The following NRG2 variants were observed in gnomAD, a reference collection of about 807,000 sequenced individuals.
The protein encoded by NRG2 is pro-neuregulin-2, membrane-bound isoform.
In NRG2, 27 loss-of-function variants were observed where a neutral mutation model predicts 73.9. The observed-to-expected ratio is 0.37, with a 90% CI of 0.27 to 0.50. The LOEUF is 0.50. Ranked by LOEUF, NRG2 falls within the 20% of genes least tolerant of loss-of-function variation. NRG2 has a pLI of 0.96. For synonymous variants in NRG2, 532 were observed against 541.0 expected, an observed-to-expected ratio of 0.98 and a Z score of 0.23; for missense variants, 1,126 against 1,210.1, an observed-to-expected ratio of 0.93 and a Z score of 1.03.
intron 3 of NRG2, among the ~76,000 whole-genome samples, chr5:139,877,013 G>A (rs1763226514): frequency 6.6e-6 from 1 of 151,282 alleles, no homozygotes; most frequent in Admixed American, 6.6e-5. Flanking sequence ...TGGCCCAGAG[G>A]CCTCTCCAGG....
At chr5:139,873,793 C>T (rs1763006947) in intron 3 of NRG2, among the ~76,000 whole-genome samples, 1 of 152,240 alleles carries the variant, frequency 6.6e-6, no homozygotes, top group South Asian at 2.1e-4. Context: ...AGGGAGGATG[C>T]TGGGTTGGCC....
chr5:140,003,203 A>C lies in NRG2; in HGVS notation c.700+39167T>G, dbSNP rs190899802. Among the ~76,000 whole-genome samples, 364 of 152,358 alleles carry C rather than the reference A, an allele frequency of 2.4e-3. 1 individual carries two copies. Among genetic ancestry groups the C allele is most frequent in the African/African-American group, 8.0e-3 (332 of 41,578 alleles). ...ACTTCATCAGTGGGAGTCCTGACTA[A>C]AGAAATGCAAATAAAACAAGATGTA... is the stretch of plus-strand genomic sequence containing the variant. On this transcript the variant is annotated intron_variant, in intron 1 of 9. Coordinates refer to ENST00000361474, the MANE Select transcript of NRG2 (RefSeq NM_004883.3).
chr5:139,849,327 C>T (rs1452861203), intron 9 of NRG2, among the ~76,000 whole-genome samples: 1 of 152,198 alleles, frequency 6.6e-6, no homozygotes, highest in African/African-American at 2.4e-5. Context: ...GACCTGGCCT[C>T]ACTGCCCCAC....
intron 1 of NRG2, among the ~76,000 whole-genome samples, chr5:140,005,480 C>T (rs1392769117): frequency 6.6e-6 from 1 of 152,240 alleles, no homozygotes; most frequent in Admixed American, 6.5e-5. Context: ...GTGTCTGCCT[C>T]CACAAGAAGG....
chr5:140,037,672 G>A (rs905229230), intron 1 of NRG2, among the ~76,000 whole-genome samples: 2 of 152,152 alleles, frequency 1.3e-5, no homozygotes, highest in African/African-American at 4.8e-5. Context: ...CACTTTGGGG[G>A]GCCAAGGCGG....
At chr5:139,890,564 A>T (rs1185610974) in intron 1 of NRG2, among the ~76,000 whole-genome samples, 2 of 148,486 alleles carry the variant, frequency 1.3e-5, no homozygotes, top group African/African-American at 5.0e-5. Context: ...TCTAAGTGTG[A>T]CTGAAATCCT....
intron 1 of NRG2, among the ~76,000 whole-genome samples, chr5:139,914,393 T>C (rs1414735606): frequency 6.6e-6 from 1 of 152,014 alleles, no homozygotes; most frequent in Non-Finnish European, 1.5e-5. Context: ...GAATTAGGAG[T>C]GCACACATCT....
intron 1 of NRG2, among the ~76,000 whole-genome samples, chr5:139,941,680 G>A (rs966580898): frequency 6.6e-6 from 1 of 152,142 alleles, no homozygotes; most frequent in Non-Finnish European, 1.5e-5. Flanking sequence ...TCCAGTTGAA[G>A]GTTAGGTGGA....
Position 139,848,593 on chromosome 5 carries a change from G to C in NRG2, c.1877C>G (p.Ala626Gly). 2 of 1,568,338 alleles carry C rather than the reference G, an allele frequency of 1.3e-6. No individual in the cohort carries two copies. Among genetic ancestry groups the C allele is most frequent in the Non-Finnish European group, 1.7e-6 (2 of 1,167,582 alleles). ...PTFEITSPNS[A>G]HAVSLPPAAP... ...CGCCGGCGGCAGCGACACGGCGTGCGCCGAGTTGGGGGACGTGATCTCGAA... is the reference window on the plus strand; with the variant it reads ...CGCCGGCGGCAGCGACACGGCGTGCCCCGAGTTGGGGGACGTGATCTCGAA... The change falls in exon 10 of 10, where the codon GCG becomes GGG. Residue 626 changes from alanine (A) to glycine (G), a missense_variant. Physicochemically the swap from Ala to Gly is moderately conservative, Grantham distance 60 (BLOSUM62 0). Coordinates refer to ENST00000361474, the MANE Select transcript of NRG2 (RefSeq NM_004883.3).
At chr5:139,966,645 A>C (rs1437435412) in intron 1 of NRG2, among the ~76,000 whole-genome samples, 2 of 152,056 alleles carry the variant, frequency 1.3e-5, no homozygotes, top group Non-Finnish European at 2.9e-5. Flanking sequence ...TAGAAATGAG[A>C]GCATATGCGA....
At chr5:139,959,324 C>T (rs1405411249) in intron 1 of NRG2, among the ~76,000 whole-genome samples, 1 of 151,340 alleles carries the variant, frequency 6.6e-6, no homozygotes, top group African/African-American at 2.4e-5. Context: ...CTCAGCCTCC[C>T]GAGTAGCTGG....
In NRG2 at chr5:139,904,421, G is replaced by A; in HGVS notation, c.701-16910C>T. The stretch of plus-strand genomic sequence containing the variant: ...ATTCTGCACGGGGTCCCAGGCGGTG[G>A]GACGGCCTCAGCTCTCCGCTGCCGC... On this transcript the variant is annotated intron_variant, in intron 1 of 9. Coordinates refer to ENST00000361474, the MANE Select transcript of NRG2 (RefSeq NM_004883.3). The surrounding 1 kb of genome is among the most constrained non-coding windows in gnomAD (Gnocchi z 6.0). 7.0e-7 allele frequency: 1 copy of A among 1,423,620 alleles called. No individual in the cohort carries two copies. The highest frequency in any genetic ancestry group is 9.7e-7 in the Non-Finnish European group (1 of 1,033,410). The allele number at this position is 1,423,620 out of a possible 1,614,324, so 88.2% of individuals were successfully genotyped here.
At chr5:139,899,023 G>A (rs1242517791) in intron 1 of NRG2, among the ~76,000 whole-genome samples, 1 of 152,168 alleles carries the variant, frequency 6.6e-6, no homozygotes, top group Non-Finnish European at 1.5e-5. Context: ...TCTTCTATCT[G>A]TTCTGGGCCA....
At chr5:139,987,111 C>A (rs918586331) in intron 1 of NRG2, among the ~76,000 whole-genome samples, 3 of 152,020 alleles carry the variant, frequency 2.0e-5, no homozygotes, top group Non-Finnish European at 4.4e-5. Flanking sequence ...GTGGCTCACG[C>A]CCGTAATCCT....
In NRG2 at chr5:139,904,323, G is replaced by C; in HGVS notation, c.701-16812C>G. 1 of 1,591,522 alleles carries C rather than the reference G, an allele frequency of 6.3e-7. No homozygotes were observed. The highest frequency in any genetic ancestry group is 1.1e-5 in the South Asian group (1 of 89,842). On this transcript the variant is annotated intron_variant, in intron 1 of 9. Transcript: ENST00000361474. This position sits in a 1 kb window ranked among gnomAD's most constrained non-coding sequence, Gnocchi z 6.0. ...GTGCCCTACCTTTCTCCCCGGGATC[G>C]GGCTCCCTCTCCCGCTTCCTCCCCT...
chr5:140,004,828 A>T (rs1758763008), intron 1 of NRG2, among the ~76,000 whole-genome samples: 1 of 152,212 alleles, frequency 6.6e-6, no homozygotes, highest in Non-Finnish European at 1.5e-5. Context: ...ATAGTATTGT[A>T]CCAGTGTTAA....
At chr5:139,892,502 T>C (rs778685792) in intron 1 of NRG2, among the ~76,000 whole-genome samples, 3 of 152,096 alleles carry the variant, frequency 2.0e-5, no homozygotes, top group African/African-American at 7.2e-5. Flanking sequence ...CATTTATGCA[T>C]CCAGAGACAG....
intron 1 of NRG2, among the ~76,000 whole-genome samples, chr5:140,038,750 T>C (rs373076501): frequency 6.6e-6 from 1 of 152,162 alleles, no homozygotes; most frequent in African/African-American, 2.4e-5. Context: ...ACCCCAAGAA[T>C]GCAGTCTGCC....
chr5:140,011,662 A>C (rs557592496), intron 1 of NRG2, among the ~76,000 whole-genome samples: 78 of 152,326 alleles, frequency 5.1e-4, no homozygotes, highest in Non-Finnish European at 9.7e-4. Context: ...GCCAATGGCC[A>C]CATGAATGAG....
Sources: gnomAD v4.1 joint callset for allele counts (sites outside exome capture counted in the v4.1 genomes callset) on GRCh38, gnomAD v4.1.1 for gene constraint, Gnocchi (gnomAD v3.1) non-coding constraint, MANE v1.5 for transcripts, NCBI Gene and HGNC (gene_info 2026-07-23, HGNC 2026-07-21) for gene names.